Variants in CAGE1 observed in about 807,000 individuals in gnomAD.
CAGE1 encodes cancer antigen 1.
In CAGE1, 66 loss-of-function variants were observed where a neutral mutation model predicts 94.9. The observed-to-expected ratio is 0.70, with a 90% CI of 0.57 to 0.85. The LOEUF is 0.85. Among genes scored for constraint, CAGE1 ranks in the 40% least tolerant of loss-of-function variants. CAGE1 has a pLI of 0.00. For synonymous variants in CAGE1, 319 were observed against 321.0 expected (o/e 0.99, Z 0.07); for missense variants, 865 against 950.4 (o/e 0.91, Z 1.18).
intron 13 of CAGE1, among the ~76,000 whole-genome samples, chr6:7,328,144 T>C (rs970906392): frequency 1.3e-5 from 2 of 152,142 alleles, no homozygotes; most frequent in African/African-American, 4.8e-5. Context: ...AGCAGCTGTG[T>C]CTGCTGTTTG....
intron 12 of CAGE1, among the ~76,000 whole-genome samples, chr6:7,333,795 G>A (rs1420594560): frequency 1.4e-5 from 2 of 145,352 alleles, no homozygotes; most frequent in African/African-American, 5.1e-5. Context: ...CAGCCCCCCA[G>A]TAGCTGGGAT....
chr6:7,358,029 TA>T (rs1047123537), intron 9 of CAGE1, among the ~76,000 whole-genome samples: 1 of 13,566 alleles, frequency 7.4e-5, no homozygotes, highest in African/African-American at 3.3e-4. Flanking sequence ...AGTTTTGAGA[TA>T]TATATATATA....
At chr6:7,344,609 G>A (rs1759351860) in intron 11 of CAGE1, among the ~76,000 whole-genome samples, 1 of 152,222 alleles carries the variant, frequency 6.6e-6, no homozygotes, top group South Asian at 2.1e-4. Context: ...CGGGCGTACG[G>A]CCCGAGACTG....
intron 11 of CAGE1, among the ~76,000 whole-genome samples, chr6:7,342,902 G>T (rs1407808110): frequency 6.7e-6 from 1 of 148,766 alleles, no homozygotes; most frequent in Non-Finnish European, 1.5e-5. Context: ...TTGTTGAATA[G>T]GGTGTGCTTT....
chr6:7,388,684 T>G (rs965916717), intron 1 of CAGE1, among the ~76,000 whole-genome samples: 1 of 152,234 alleles, frequency 6.6e-6, no homozygotes, highest in Non-Finnish European at 1.5e-5. Flanking sequence ...TCTGAATGAA[T>G]AGTTTATTGA....
At chr6:7,350,214 T>C (rs2113396395) in intron 11 of CAGE1, among the ~76,000 whole-genome samples, 1 of 152,246 alleles carries the variant, frequency 6.6e-6, no homozygotes, top group Non-Finnish European at 1.5e-5. Flanking sequence ...ATCACAATCC[T>C]AAACATATAT....
chr6:7,349,249 C>T (rs1235519095), intron 11 of CAGE1, among the ~76,000 whole-genome samples: 2 of 152,172 alleles, frequency 1.3e-5, no homozygotes, highest in African/African-American at 4.8e-5. Context: ...GTTTGGGGCC[C>T]TATCTTCAGC....
At chr6:7,328,453 T>G (rs1325481535) in intron 13 of CAGE1, among the ~76,000 whole-genome samples, 2 of 151,946 alleles carry the variant, frequency 1.3e-5, no homozygotes, top group African/African-American at 4.8e-5. Context: ...CTGACAGGCG[T>G]TTGTGAGGTG....
intron 4 of CAGE1, among the ~76,000 whole-genome samples, chr6:7,374,463 T>C (rs1300290678): frequency 6.6e-6 from 1 of 152,032 alleles, no homozygotes; most frequent in Non-Finnish European, 1.5e-5. Flanking sequence ...TCTGAACACA[T>C]ATAAGATGCT....
intron 13 of CAGE1, among the ~76,000 whole-genome samples, chr6:7,328,613 G>A (rs1003061223): frequency 6.6e-6 from 1 of 152,158 alleles, no homozygotes; most frequent in African/African-American, 2.4e-5. Context: ...AGGGCAGTGA[G>A]GGGAGGATAG....
At chr6:7,345,491 A>G (rs560297788) in intron 11 of CAGE1, among the ~76,000 whole-genome samples, 4 of 152,288 alleles carry the variant, frequency 2.6e-5, no homozygotes, top group East Asian at 1.9e-4. Flanking sequence ...TGGCATACTC[A>G]CATTATATTT....
Position 7,362,097 on chromosome 6 carries a change from T to C in CAGE1, c.2193+3371A>G, listed in dbSNP as rs370749716. The stretch of plus-strand genomic sequence containing the variant: ...AAGCAGTAATTTTCTACTTTGCCTG[T>C]TCCTTTCTTATTCTTGTGACTTCTT... On this transcript the variant is annotated intron_variant, in intron 9 of 13. Transcript: ENST00000502583. This position sits in a 1 kb window ranked among gnomAD's most constrained non-coding sequence, Gnocchi z 4.1. Among the ~76,000 whole-genome samples the C allele has an allele frequency of 2.0e-5, 3 of 152,276 alleles. No homozygotes were observed. Among genetic ancestry groups the C allele is most frequent in the African/African-American group, 7.2e-5 (3 of 41,474 alleles).
rs185659431 is a variant in CAGE1, at chr6:7,372,343, C to T, written c.1746+730G>A. 1.1e-4 allele frequency among the ~76,000 whole-genome samples: 17 copies of T among 151,966 alleles called. 1 individual carries two copies. The highest frequency in any genetic ancestry group is 6.6e-4 in the Admixed American group (10 of 15,266). The stretch of plus-strand genomic sequence containing the variant: ...AAAATTAGCTGGGCATGGTGGCGCA[C>T]GCCTGTAATCCCAGTTACTCCGGAG... On this transcript the variant is annotated intron_variant, in intron 5 of 13. Transcript: ENST00000502583.
chr6:7,358,025 G>GAA (rs1491488344), intron 9 of CAGE1, among the ~76,000 whole-genome samples: 398 of 20,266 alleles, frequency 0.02, 16 homozygotes, highest in Admixed American at 0.04. Flanking sequence ...GGTAAGTTTT[G>GAA]AGATATATAT....
chr6:7,365,696 G>T, intron 8 of CAGE1, 108 bp downstream of exon 8: 2 of 1,356,000 alleles, frequency 1.5e-6, no homozygotes, highest in Non-Finnish European at 1.0e-6. Flanking sequence ...TAATAAAAGT[G>T]CAGAACTTAG....
At chr6:7,370,637 A>C (rs1264036302) in intron 5 of CAGE1, among the ~76,000 whole-genome samples, 2 of 151,158 alleles carry the variant, frequency 1.3e-5, no homozygotes, top group Non-Finnish European at 3.0e-5. Context: ...ATTTTTTGAA[A>C]CAAAAAATTT....
intron 3 of CAGE1, among the ~76,000 whole-genome samples, chr6:7,382,477 T>C (rs1171509250): frequency 1.3e-5 from 2 of 151,704 alleles, no homozygotes; most frequent in Admixed American, 1.3e-4. Context: ...AATTTTTGTA[T>C]TTTTAGTAGA....
chr6:7,360,897 A>G (rs1050444784), intron 9 of CAGE1, among the ~76,000 whole-genome samples: 3 of 152,006 alleles, frequency 2.0e-5, no homozygotes, highest in African/African-American at 7.3e-5. Context: ...CAGTGAGCCG[A>G]GATCACGCCA....
intron 4 of CAGE1, among the ~76,000 whole-genome samples, chr6:7,374,712 C>T (rs765958600): frequency 2.6e-5 from 4 of 151,986 alleles, no homozygotes; most frequent in Non-Finnish European, 5.9e-5. Context: ...TTTATGCTGC[C>T]GATAGAGGTC....
Sources: allele counts gnomAD v4.1 joint callset (sites outside exome capture counted in the v4.1 genomes callset), GRCh38; gene constraint gnomAD v4.1.1; non-coding constraint Gnocchi (gnomAD v3.1); transcripts MANE v1.5; gene names NCBI Gene and HGNC (gene_info 2026-07-23, HGNC 2026-07-21).